Variants in BMPR1A observed in about 807,000 individuals in gnomAD.
The protein encoded by BMPR1A is bone morphogenetic protein receptor type-1A.
A neutral mutation model predicts 66.0 loss-of-function variants in BMPR1A; 7 were observed. The ratio of observed to expected loss-of-function variants is 0.11; its 90% CI spans 0.06 to 0.20. The LOEUF (loss-of-function observed/expected upper bound fraction) is 0.20, where lower values mean the gene tolerates loss of function less well. Ranked by LOEUF, BMPR1A falls within the 10% of genes least tolerant of loss-of-function variation. BMPR1A has a pLI of 1.00. For missense variants in BMPR1A, 408 were observed against 669.1 expected (o/e 0.61, Z 4.31); for synonymous variants, 200 against 229.7 (o/e 0.87, Z 1.17).
chr10:86,885,100 CTTTG>C (rs753090422), intron 3 of BMPR1A, among the ~76,000 whole-genome samples: 6 of 152,160 alleles, frequency 3.9e-5, no homozygotes, highest in South Asian at 2.1e-4. Flanking sequence ...TATGACAGAA[CTTTG>C]TTTGGTGATG....
At chr10:86,869,604 A>G (rs1014149145) in intron 2 of BMPR1A, among the ~76,000 whole-genome samples, 4 of 152,084 alleles carry the variant, frequency 2.6e-5, no homozygotes, top group African/African-American at 9.7e-5. Context: ...TAATAATACA[A>G]AAATTAGCTG....
intron 2 of BMPR1A, among the ~76,000 whole-genome samples, chr10:86,867,487 G>C (rs1230576348): frequency 2.0e-5 from 3 of 152,186 alleles, no homozygotes; most frequent in African/African-American, 7.2e-5. Flanking sequence ...AAACAGAAGA[G>C]TGACACCTAG....
At chr10:86,866,410 T>TCTTTTTTTC (rs1227898234) in intron 2 of BMPR1A, among the ~76,000 whole-genome samples, 1 of 114,914 alleles carries the variant, frequency 8.7e-6, no homozygotes, top group Non-Finnish European at 1.7e-5. Context: ...TTTTTTTTTT[T>TCTTTTTTTC]TTTTTTTTTT....
chr10:86,923,721 G>A lies in BMPR1A; in HGVS notation c.*2G>A, dbSNP rs876660618. ...GAATCCCAAGATGTAAAAATCTGAT[G>A]GTTAAACCATCGGAGGAGAAACTCT... On this transcript the variant is annotated 3_prime_UTR_variant, in exon 13 of 13. Coordinates refer to ENST00000372037, the MANE Select transcript of BMPR1A (RefSeq NM_004329.3). 2 of 1,613,212 alleles carry A rather than the reference G, an allele frequency of 1.2e-6. No individual in the cohort carries two copies. Among genetic ancestry groups the A allele is most frequent in the Admixed American group, 1.7e-5 (1 of 60,014 alleles).
intron 2 of BMPR1A, among the ~76,000 whole-genome samples, chr10:86,839,281 C>G (rs188441666): frequency 6.6e-6 from 1 of 152,114 alleles, no homozygotes; most frequent in Non-Finnish European, 1.5e-5. Flanking sequence ...TTTATTTCTT[C>G]CCCCTAAGTT....
At chr10:86,860,172 C>T (rs149886052) in intron 2 of BMPR1A, among the ~76,000 whole-genome samples, 76 of 151,896 alleles carry the variant, frequency 5.0e-4, no homozygotes, top group African/African-American at 1.6e-3. Flanking sequence ...TGTTCATCAA[C>T]GAGAATGAGC....
At chr10:86,757,285 C>T (rs917086360) in intron 1 of BMPR1A, among the ~76,000 whole-genome samples, 6 of 152,104 alleles carry the variant, frequency 3.9e-5, no homozygotes, top group African/African-American at 1.4e-4. Context: ...TGATTTGGCT[C>T]CGGACGCTGT....
intron 2 of BMPR1A, among the ~76,000 whole-genome samples, chr10:86,841,422 C>G (rs1226582282): frequency 1.3e-5 from 2 of 152,136 alleles, no homozygotes; most frequent in Non-Finnish European, 2.9e-5. Context: ...GTGACCATGT[C>G]AGAAAACAAA....
intron 2 of BMPR1A, among the ~76,000 whole-genome samples, chr10:86,863,857 A>G (rs1842745257): frequency 6.6e-6 from 1 of 152,218 alleles, no homozygotes; most frequent in Non-Finnish European, 1.5e-5. Flanking sequence ...AAATTTTTAA[A>G]TAGTTACATA....
intron 2 of BMPR1A, among the ~76,000 whole-genome samples, chr10:86,862,492 G>A (rs1246773096): frequency 1.3e-5 from 2 of 152,216 alleles, no homozygotes; most frequent in Non-Finnish European, 2.9e-5. Context: ...GTGTGATGTG[G>A]TTTAACATGC....
chr10:86,794,401 T>C (rs981268872), intron 1 of BMPR1A, among the ~76,000 whole-genome samples: 1 of 150,772 alleles, frequency 6.6e-6, no homozygotes, highest in African/African-American at 2.5e-5. Context: ...TGTCTGTATG[T>C]ACTGAAATAA....
Position 86,919,293 on chromosome 10 carries a change from C to T in BMPR1A, c.990C>T (p.Ala330=), listed in dbSNP as rs199808362. ...AATGTGCTACACTGGACACCAGAGC[C>T]CTGCTTAAATTGGCTTATTCAGCTG... ...FLKCATLDTR[A]LLKLAYSAAC... is the part of the protein sequence containing the mutation. The change falls in exon 10 of 13, where the codon GCC becomes GCT. Residue 330 remains alanine (A), a synonymous_variant. Transcript: ENST00000372037. 1 of 1,613,936 alleles carries T rather than the reference C, an allele frequency of 6.2e-7. No homozygotes were observed. Among genetic ancestry groups the T allele is most frequent in the Non-Finnish European group, 8.5e-7 (1 of 1,179,874 alleles).
chr10:86,773,128 C>CTGTTTT (rs10634919), intron 1 of BMPR1A, among the ~76,000 whole-genome samples: 1 of 113,246 alleles, frequency 8.8e-6, no homozygotes. Context: ...TTCTAGTTAT[C>CTGTTTT]TTTTTTTTTT....
intron 3 of BMPR1A, among the ~76,000 whole-genome samples, chr10:86,881,426 AAG>A (rs1210147778): frequency 1.3e-5 from 2 of 152,246 alleles, no homozygotes; most frequent in East Asian, 1.9e-4. Flanking sequence ...AGTCATAAAA[AAG>A]AGAAATGATA....
At chr10:86,809,885 C>A (rs1841945926) in intron 1 of BMPR1A, among the ~76,000 whole-genome samples, 1 of 152,058 alleles carries the variant, frequency 6.6e-6, no homozygotes, top group African/African-American at 2.4e-5. Flanking sequence ...CATATTTGTG[C>A]CTGGCATATT....
intron 3 of BMPR1A, among the ~76,000 whole-genome samples, chr10:86,888,935 T>G (rs890196471): frequency 6.6e-6 from 1 of 152,206 alleles, no homozygotes; most frequent in African/African-American, 2.4e-5. Flanking sequence ...ATGTGATATT[T>G]TTTGTCTTTT....
At chr10:86,856,331 G>A (rs1312550127) in intron 2 of BMPR1A, 1 of 432,088 alleles carries the variant, frequency 2.3e-6, no homozygotes, top group Non-Finnish European at 4.5e-6. Flanking sequence ...TGCAGCCCAG[G>A]GCAGTCAGCC....
chr10:86,802,935 G>C (rs1442914928), intron 1 of BMPR1A, among the ~76,000 whole-genome samples: 1 of 144,842 alleles, frequency 6.9e-6, no homozygotes. Flanking sequence ...GCCAGGCATT[G>C]TGATACATGG....
intron 2 of BMPR1A, among the ~76,000 whole-genome samples, chr10:86,859,883 C>A (rs1018400903): frequency 6.6e-6 from 1 of 152,156 alleles, no homozygotes; most frequent in Non-Finnish European, 1.5e-5. Flanking sequence ...ACCAAAACCT[C>A]CCTTAGACCT....
Sources: allele counts gnomAD v4.1 joint callset (sites outside exome capture counted in the v4.1 genomes callset), GRCh38; gene constraint gnomAD v4.1.1; transcripts MANE v1.5; gene names NCBI Gene and HGNC (gene_info 2026-07-23, HGNC 2026-07-21).